The following PTPRM variants were observed in gnomAD, a reference collection of about 807,000 sequenced individuals.
The protein encoded by PTPRM is receptor-type tyrosine-protein phosphatase mu.
Under a neutral mutation model 186.7 loss-of-function variants are expected in PTPRM, and 47 were observed. That is an observed-to-expected ratio of 0.25 (90% CI 0.20 to 0.32). The LOEUF (loss-of-function observed/expected upper bound fraction) is 0.32, where lower values mean the gene tolerates loss of function less well. PTPRM is among the 10% of genes least tolerant of loss of function. The pLI is 1.00. For missense variants in PTPRM, 1,494 were observed against 1,865.0 expected, an observed-to-expected ratio of 0.80 and a Z score of 3.66; for synonymous variants, 668 against 674.9, an observed-to-expected ratio of 0.99 and a Z score of 0.16.
At chr18:8,191,180 G>C (rs539654865) in intron 14 of PTPRM, among the ~76,000 whole-genome samples, 5 of 152,334 alleles carry the variant, frequency 3.3e-5, no homozygotes, top group Admixed American at 3.3e-4. Context: ...GGCTTGCCCA[G>C]CCAGCCAAGG....
chr18:8,315,020 C>T lies in PTPRM; in HGVS notation c.2919+163C>T, dbSNP rs572489875. Among the ~76,000 whole-genome samples, 61 of 152,244 alleles carry T rather than the reference C, an allele frequency of 4.0e-4. 1 individual carries two copies. The South Asian group carries it at 0.013, about 32-fold the overall frequency. On this transcript the variant is annotated intron_variant, in intron 21 of 32. Transcript: ENST00000580170. ...TGTACCAGATTGTGTGTCTGCTGAA[C>T]GATTGTTGGACATACATTGGGCTCA... is the stretch of plus-strand genomic sequence containing the variant.
intron 7 of PTPRM, among the ~76,000 whole-genome samples, chr18:8,002,914 AT>A (rs1408065090): frequency 6.6e-6 from 1 of 152,026 alleles, no homozygotes; most frequent in Non-Finnish European, 1.5e-5. Context: ...AGGAGTTCTT[AT>A]TTTTTTTAAT....
intron 3 of PTPRM, among the ~76,000 whole-genome samples, chr18:7,893,445 G>A (rs2049180636): frequency 6.6e-6 from 1 of 152,140 alleles, no homozygotes; most frequent in Non-Finnish European, 1.5e-5. Context: ...AAAATAAAAA[G>A]CCCACATCCT....
At chr18:7,995,217 T>C (rs2083470599) in intron 7 of PTPRM, among the ~76,000 whole-genome samples, 1 of 151,928 alleles carries the variant, frequency 6.6e-6, no homozygotes, top group Admixed American at 6.6e-5. Context: ...TCAACCAAGA[T>C]AGAATGAGGA....
chr18:7,669,662 C>T (rs990789986), intron 1 of PTPRM, among the ~76,000 whole-genome samples: 10 of 152,132 alleles, frequency 6.6e-5, no homozygotes, highest in Non-Finnish European at 1.3e-4. Flanking sequence ...ATAGCTTTGC[C>T]GTTCCCTCCC....
intron 14 of PTPRM, among the ~76,000 whole-genome samples, chr18:8,220,073 G>T (rs1203726827): frequency 6.6e-6 from 1 of 152,158 alleles, no homozygotes; most frequent in Non-Finnish European, 1.5e-5. Flanking sequence ...CTACAAGTCA[G>T]TGGGGAGCTT....
chr18:8,020,939 T>TTCCCAGA (rs2085179487), intron 7 of PTPRM, among the ~76,000 whole-genome samples: 1 of 152,148 alleles, frequency 6.6e-6, no homozygotes, highest in African/African-American at 2.4e-5. Context: ...TCACCAAAGT[T>TTCCCAGA]TCCCAGACAC....
At chr18:7,858,671 C>G (rs1751540782) in intron 2 of PTPRM, among the ~76,000 whole-genome samples, 1 of 152,152 alleles carries the variant, frequency 6.6e-6, no homozygotes, top group Non-Finnish European at 1.5e-5. Flanking sequence ...ATGTAGAATA[C>G]TTAACGCAGT....
At chr18:7,686,432 A>G (rs2039603904) in intron 1 of PTPRM, among the ~76,000 whole-genome samples, 2 of 152,212 alleles carry the variant, frequency 1.3e-5, no homozygotes, top group South Asian at 4.1e-4. Context: ...ACTGCCTTAA[A>G]TCATAGAAAC....
chr18:7,580,358 C>T (rs2036811704), intron 1 of PTPRM, among the ~76,000 whole-genome samples: 1 of 152,154 alleles, frequency 6.6e-6, no homozygotes. Context: ...GGGCTGTCTG[C>T]AAGATTTTAG....
intron 5 of PTPRM, among the ~76,000 whole-genome samples, chr18:7,931,129 A>G (rs2051459055): frequency 6.6e-6 from 1 of 152,178 alleles, no homozygotes; most frequent in Non-Finnish European, 1.5e-5. Context: ...GATACTTGTG[A>G]TATGTTATCG....
rs115598905 is a variant in PTPRM at position 8,207,321 on chromosome 18, A to G, written c.2301-36737A>G. The stretch of plus-strand genomic sequence containing the variant: ...TTATAGCTTGCACCACTACTCAAAC[A>G]TGAGTCTCAGGTAAATTAATATACT... On this transcript the variant is annotated intron_variant, in intron 14 of 32. Transcript: ENST00000580170. Among the ~76,000 whole-genome samples the G allele has an allele frequency of 5.2e-3, 795 of 152,340 alleles. 8 individuals are homozygous for G. Among genetic ancestry groups the G allele is most frequent in the African/African-American group, 0.018 (749 of 41,574 alleles).
intron 14 of PTPRM, among the ~76,000 whole-genome samples, chr18:8,170,165 A>G (rs751411274): frequency 6.6e-6 from 1 of 152,210 alleles, no homozygotes; most frequent in African/African-American, 2.4e-5. Flanking sequence ...CAGCTATGCT[A>G]AAGTCCTGAC....
In PTPRM at chr18:7,605,961, G is replaced by A. The variant is rs567178009; in HGVS notation, c.73+38070G>A. Among the ~76,000 whole-genome samples, 10 of 152,244 alleles carry A rather than the reference G, an allele frequency of 6.6e-5. No individual in the cohort carries two copies. In the South Asian group the frequency reaches 1.9e-3, roughly 28 times the overall value. ...CTTGAAACCTGGGAACCTTGTTTCT[G>A]GGGATGAGCAGGATGTAGGAAGTCA... On this transcript the variant is annotated intron_variant, in intron 1 of 32. Transcript: ENST00000580170.
At chr18:7,698,951 C>T (rs1236963804) in intron 1 of PTPRM, among the ~76,000 whole-genome samples, 1 of 152,020 alleles carries the variant, frequency 6.6e-6, no homozygotes, top group Non-Finnish European at 1.5e-5. Flanking sequence ...ATCAGGGGTC[C>T]CCAACCCCTG....
chr18:7,615,066 T>A (rs1056578458), intron 1 of PTPRM, among the ~76,000 whole-genome samples: 4 of 152,180 alleles, frequency 2.6e-5, no homozygotes, highest in Non-Finnish European at 5.9e-5. Flanking sequence ...TTTACATTGA[T>A]GTTCCCATAG....
At chr18:7,606,686 T>G (rs1369991587) in intron 1 of PTPRM, among the ~76,000 whole-genome samples, 1 of 152,210 alleles carries the variant, frequency 6.6e-6, no homozygotes, top group Non-Finnish European at 1.5e-5. Flanking sequence ...GTTATTTGGC[T>G]AATTTGTATT....
At chr18:7,906,924 G>A (rs760386410) in intron 4 of PTPRM, among the ~76,000 whole-genome samples, 11 of 152,102 alleles carry the variant, frequency 7.2e-5, no homozygotes, top group Admixed American at 2.0e-4. Context: ...GAATCTGTGC[G>A]TTTTGTTTAT....
At chr18:8,365,624 C>T (rs1322368319) in intron 23 of PTPRM, 1 of 152,266 alleles carries the variant, frequency 6.6e-6, no homozygotes, top group East Asian at 1.9e-4. Context: ...GCCAATCTCT[C>T]TCTCCCTCTC....
Sources: allele counts gnomAD v4.1 joint callset (sites outside exome capture counted in the v4.1 genomes callset), GRCh38; gene constraint gnomAD v4.1.1; transcripts MANE v1.5; gene names NCBI Gene and HGNC (gene_info 2026-07-23, HGNC 2026-07-21).